RC3H1: variants seen among roughly 807,000 people sequenced by gnomAD.
RC3H1 encodes the protein roquin-1.
Under a neutral mutation model 138.2 loss-of-function variants are expected in RC3H1, and 50 were observed. The ratio of observed to expected loss-of-function variants is 0.36; its 90% CI spans 0.29 to 0.46. RC3H1 has a LOEUF of 0.46. Ranked by LOEUF, RC3H1 falls within the 20% of genes least tolerant of loss-of-function variation. The pLI, the probability that RC3H1 is intolerant of heterozygous loss-of-function variation, is 1.00. For synonymous variants in RC3H1, 462 were observed against 489.1 expected (o/e 0.94, Z 0.73); for missense variants, 1,031 against 1,388.1 (o/e 0.74, Z 4.09).
At chr1:173,998,172 T>C (rs961641304) in intron 1 of RC3H1, among the ~76,000 whole-genome samples, 1 of 152,136 alleles carries the variant, frequency 6.6e-6, no homozygotes, top group African/African-American at 2.4e-5. Context: ...CAGCTGTAAA[T>C]AATTCTACTA....
intron 1 of RC3H1, among the ~76,000 whole-genome samples, chr1:173,993,760 C>T (rs998828381): frequency 3.3e-5 from 5 of 151,242 alleles, no homozygotes; most frequent in Admixed American, 6.6e-5. Context: ...TGGCTCACGC[C>T]TGTAATCCCA....
chr1:174,001,315 G>A (rs1386894433), intron 1 of RC3H1, among the ~76,000 whole-genome samples: 2 of 152,150 alleles, frequency 1.3e-5, no homozygotes, highest in Non-Finnish European at 2.9e-5. Flanking sequence ...TTAACTTTAC[G>A]TATGTAGTTT....
At chr1:173,953,254 A>G (rs1005539681) in intron 13 of RC3H1, among the ~76,000 whole-genome samples, 11 of 152,010 alleles carry the variant, frequency 7.2e-5, no homozygotes, top group Non-Finnish European at 4.4e-5. Context: ...CAACTTTTAA[A>G]CCACATGACC....
intron 5 of RC3H1, among the ~76,000 whole-genome samples, chr1:173,981,613 G>A (rs757676779): frequency 6.6e-6 from 1 of 152,158 alleles, no homozygotes; most frequent in Non-Finnish European, 1.5e-5. Flanking sequence ...TGACTCTTGG[G>A]ATTGCCTGAC....
Position 173,974,764 on chromosome 1 carries a change from T to C in RC3H1, c.1103-2137A>G, listed in dbSNP as rs375857674. 2.8e-4 allele frequency among the ~76,000 whole-genome samples: 42 copies of C among 152,202 alleles called. No homozygotes were observed. The Middle Eastern group carries it at 0.01, about 37-fold the overall frequency. Reference sequence around the variant, plus strand: ...GATACTGGGTTTTACTCTGAGTTGATAGAAAGCCACAGGAGAATTTATGAG... The same window carrying C: ...GATACTGGGTTTTACTCTGAGTTGACAGAAAGCCACAGGAGAATTTATGAG... On this transcript the variant is annotated intron_variant, in intron 7 of 19. Transcript: ENST00000367696.
chr1:173,944,612 T>C (rs571992443), intron 17 of RC3H1, among the ~76,000 whole-genome samples: 1 of 152,282 alleles, frequency 6.6e-6, no homozygotes, highest in South Asian at 2.1e-4. Flanking sequence ...TTTGAAGATA[T>C]GGAGTAATGC....
chr1:174,005,245 C>T (rs1661632653), intron 1 of RC3H1, among the ~76,000 whole-genome samples: 1 of 152,080 alleles, frequency 6.6e-6, no homozygotes, highest in African/African-American at 2.4e-5. Flanking sequence ...TCCCTAAAAC[C>T]AGTCCTAATT....
intron 1 of RC3H1, among the ~76,000 whole-genome samples, chr1:174,017,793 A>C (rs866820334): frequency 1.4e-5 from 2 of 140,194 alleles, no homozygotes; most frequent in African/African-American, 6.3e-5. Flanking sequence ...CAAAAAAAAA[A>C]AAAAAAAAAA....
intron 7 of RC3H1, among the ~76,000 whole-genome samples, chr1:173,978,106 G>C (rs1046540009): frequency 3.9e-5 from 6 of 152,132 alleles, no homozygotes; most frequent in Non-Finnish European, 7.4e-5. Context: ...ATATCATGGA[G>C]AGGGCAAAAA....
chr1:173,988,365 A>G (rs539837609), intron 2 of RC3H1, among the ~76,000 whole-genome samples: 5 of 152,190 alleles, frequency 3.3e-5, no homozygotes, highest in Non-Finnish European at 7.4e-5. Context: ...TCACTTAGCA[A>G]TGGTATACAT....
rs773477019 is a variant in RC3H1, at chr1:173,932,221, A to G, written c.*6500T>C. Reference sequence around the variant, plus strand: ...CCCAAGCAAATATGCACCAATGTTAAAAAGTTATTTTTTTAAAAAAAACAA... The same window carrying G: ...CCCAAGCAAATATGCACCAATGTTAGAAAGTTATTTTTTTAAAAAAAACAA... On this transcript the variant is annotated 3_prime_UTR_variant, in exon 20 of 20. Coordinates refer to ENST00000367696, the MANE Select transcript of RC3H1 (RefSeq NM_172071.4). 6 of 150,738 alleles carry G rather than the reference A, an allele frequency of 4.0e-5. No individual in the cohort carries two copies. Among genetic ancestry groups the G allele is most frequent in the South Asian group, 2.1e-4 (1 of 4,676 alleles). The allele number at this position is 150,738 out of a possible 1,614,324, so 9.3% of individuals were successfully genotyped here.
rs1353271192 is a variant in RC3H1 at position 173,937,589 on chromosome 1, C to T, written c.*1132G>A. On this transcript the variant is annotated 3_prime_UTR_variant, in exon 20 of 20. Coordinates refer to ENST00000367696, the MANE Select transcript of RC3H1 (RefSeq NM_172071.4). Reference sequence around the variant, plus strand: ...CATTTGCAACATTGGACAGTTAAGTCTATGAAAAATGACTTCAAACTATTT... The same window carrying T: ...CATTTGCAACATTGGACAGTTAAGTTTATGAAAAATGACTTCAAACTATTT... 6.6e-6 allele frequency: 1 copy of T among 151,772 alleles called. No individual in the cohort carries two copies. The highest frequency in any genetic ancestry group is 1.5e-5 in the Non-Finnish European group (1 of 67,954). The allele number at this position is 151,772 out of a possible 1,614,324, so 9.4% of individuals were successfully genotyped here.
At chr1:173,960,321 C>T (rs1043117714) in intron 13 of RC3H1, among the ~76,000 whole-genome samples, 4 of 151,930 alleles carry the variant, frequency 2.6e-5, no homozygotes, top group Admixed American at 1.3e-4. Context: ...TAAAGCAACA[C>T]TGTCTAATAG....
At chr1:173,938,939 G>T in intron 19 of RC3H1, 68 bp from the exon 20 acceptor site, 1 of 1,218,628 alleles carries the variant, frequency 8.2e-7, no homozygotes, top group Non-Finnish European at 1.1e-6. Context: ...AATCAACAGG[G>T]GATATAATTT....
chr1:174,008,590 C>A (rs1429718438), intron 1 of RC3H1, among the ~76,000 whole-genome samples: 3 of 152,196 alleles, frequency 2.0e-5, no homozygotes, highest in Admixed American at 2.0e-4. Flanking sequence ...GAACTCCAAA[C>A]ACAGAATCCT....
Position 173,959,937 on chromosome 1 carries a change from C to T in RC3H1, c.2370+1140G>A, listed in dbSNP as rs577047881. Among the ~76,000 whole-genome samples the T allele has an allele frequency of 2.0e-4, 30 of 151,682 alleles. 1 individual carries two copies. The highest frequency in any genetic ancestry group is 1.9e-3 in the Admixed American group (29 of 15,192). ...CCTGGCCAACATGGTGAAACCGTGT[C>T]TCTACTAAAAATACAAAAATTATAG... On this transcript the variant is annotated intron_variant, in intron 13 of 19. Transcript: ENST00000367696.
At position 173,980,806 on chromosome 1, in the gene RC3H1, T is replaced by TAC; in HGVS notation, c.969+1_969+2dup. 1 of 1,611,380 alleles carries TAC rather than the reference T, an allele frequency of 6.2e-7. No homozygotes were observed. The highest frequency in any genetic ancestry group is 8.5e-7 in the Non-Finnish European group (1 of 1,177,788). ...AAGAAGTAAGGAACAAAAAAGGTCC[T>TAC]ACCTTGTCAATAATGGACTGCATAT... is the stretch of plus-strand genomic sequence containing the variant. On this transcript the variant is annotated splice_region_variant and intron_variant, in intron 6 of 19. Coordinates refer to ENST00000367696, the MANE Select transcript of RC3H1 (RefSeq NM_172071.4).
chr1:174,008,979 A>G (rs1661703693), intron 1 of RC3H1, among the ~76,000 whole-genome samples: 1 of 100,818 alleles, frequency 9.9e-6, no homozygotes, highest in Admixed American at 8.8e-5. Flanking sequence ...TTTGTCTGAA[A>G]AAAAAAAAAA....
chr1:173,979,270 T>C (rs988315059), intron 6 of RC3H1, among the ~76,000 whole-genome samples: 3 of 152,198 alleles, frequency 2.0e-5, no homozygotes, highest in Non-Finnish European at 4.4e-5. Flanking sequence ...GCGTGTGATA[T>C]GAGAAAATTA....
Sources: allele counts gnomAD v4.1 joint callset (sites outside exome capture counted in the v4.1 genomes callset), GRCh38; gene constraint gnomAD v4.1.1; transcripts MANE v1.5; gene names NCBI Gene and HGNC (gene_info 2026-07-23, HGNC 2026-07-21).